Variants in RELN observed in about 807,000 individuals in gnomAD.
RELN encodes the protein reelin.
RELN carries 108 observed loss-of-function variants against 427.6 expected under a neutral mutation model. The ratio of observed to expected loss-of-function variants is 0.25; its 90% CI spans 0.22 to 0.30. The LOEUF (loss-of-function observed/expected upper bound fraction) is 0.30. Ranked by LOEUF, RELN falls within the 10% of genes least tolerant of loss-of-function variation. The pLI, the probability that RELN is intolerant of heterozygous loss-of-function variation, is 1.00. For missense variants in RELN, 3,715 were observed against 4,302.8 expected (o/e 0.86, Z 3.82); for synonymous variants, 1,524 against 1,513.4 (o/e 1.01, Z -0.16).
chr7:103,622,046 G>A (rs1284387759), intron 20 of RELN, among the ~76,000 whole-genome samples: 2 of 152,066 alleles, frequency 1.3e-5, no homozygotes, highest in African/African-American at 4.8e-5. Context: ...AATTGTCTCA[G>A]ACTGCTAAAT....
chr7:103,919,269 A>T (rs183901273), intron 1 of RELN, among the ~76,000 whole-genome samples: 1 of 151,680 alleles, frequency 6.6e-6, no homozygotes, highest in East Asian at 1.9e-4. Context: ...GTGTGTAAAA[A>T]CCACTGGACA....
chr7:103,799,921 C>T lies in RELN; in HGVS notation c.474-23294G>A, dbSNP rs191910296. Reference sequence around the variant, plus strand: ...AGGTTTAAAGAATCAACAAAAACCACGTGATTATCTCAATAGATGCAGAAA... The same window carrying T: ...AGGTTTAAAGAATCAACAAAAACCATGTGATTATCTCAATAGATGCAGAAA... On this transcript the variant is annotated intron_variant, in intron 3 of 64. Coordinates refer to ENST00000428762, the MANE Select transcript of RELN (RefSeq NM_005045.4). Among the ~76,000 whole-genome samples the T allele has an allele frequency of 1.9e-3, 296 of 151,842 alleles. 4 individuals are homozygous for T. The highest frequency in any genetic ancestry group is 1.2e-3 in the Non-Finnish European group (83 of 68,034).
At chr7:103,934,200 A>G (rs1795928786) in intron 1 of RELN, among the ~76,000 whole-genome samples, 1 of 152,150 alleles carries the variant, frequency 6.6e-6, no homozygotes, top group South Asian at 2.1e-4. Context: ...AAAATTTGAT[A>G]TTCACTCTGT....
intron 1 of RELN, among the ~76,000 whole-genome samples, chr7:103,955,944 G>A (rs2116775829): frequency 6.6e-6 from 1 of 152,186 alleles, no homozygotes; most frequent in East Asian, 1.9e-4. Flanking sequence ...TAGCCTTGTG[G>A]GCCACTGCAG....
intron 27 of RELN, 134 bp from the exon 28 acceptor site, chr7:103,589,962 A>G (rs950019667): frequency 1.0e-5 from 7 of 699,636 alleles, no homozygotes; most frequent in Non-Finnish European, 1.8e-5. Context: ...TTGTGAGCTC[A>G]GTCCCAACCA....
In RELN at chr7:103,496,547, A is replaced by T. The variant is rs2286261; in HGVS notation, c.9172T>A (p.Leu3058Met). The change falls in exon 56 of 65, where the codon TTG becomes ATG. Residue 3058 changes from leucine (L) to methionine (M), a missense_variant. By Grantham distance (15) the Leu-to-Met change is conservative (BLOSUM62 2). Coordinates refer to ENST00000428762, the MANE Select transcript of RELN (RefSeq NM_005045.4). ...TTACCATCATCAAAAGTGTCCACCA[A>T]TTGGCTGGGATTGATTTCTGCTCCA... is the stretch of plus-strand genomic sequence containing the variant. ...IGGAEINPSQ[L>M]VDTFDDEGTS... 1.2e-5 allele frequency: 20 copies of T among 1,614,012 alleles called. No homozygotes were observed. The highest frequency in any genetic ancestry group is 1.6e-5 in the Non-Finnish European group (19 of 1,180,020).
At chr7:103,552,241 G>A (rs1399635187) in intron 40 of RELN, among the ~76,000 whole-genome samples, 3 of 151,944 alleles carry the variant, frequency 2.0e-5, no homozygotes, top group Non-Finnish European at 4.4e-5. Context: ...ATAAATGCAC[G>A]CAATTCTTTC....
At chr7:103,792,417 A>C (rs2116276016) in intron 3 of RELN, among the ~76,000 whole-genome samples, 1 of 152,296 alleles carries the variant, frequency 6.6e-6, no homozygotes, top group African/African-American at 2.4e-5. Context: ...CGTTCATGCT[A>C]CAATATCAAT....
chr7:103,654,034 T>G, intron 13 of RELN, 59 bp downstream of exon 13: 1 of 958,876 alleles, frequency 1.0e-6, no homozygotes, highest in Admixed American at 1.7e-5. Context: ...TGGTTTTGAC[T>G]TGGGCTTGTC....
intron 3 of RELN, among the ~76,000 whole-genome samples, chr7:103,821,150 T>A (rs17156394): frequency 0.12 from 18,221 of 152,190 alleles, 1,277 homozygotes; most frequent in East Asian, 0.32. Context: ...TATAGACTCT[T>A]CTATCACATT....
intron 2 of RELN, among the ~76,000 whole-genome samples, chr7:103,856,738 C>G (rs985225493): frequency 3.3e-5 from 5 of 152,052 alleles, no homozygotes; most frequent in African/African-American, 9.7e-5. Flanking sequence ...CTGCAGGACA[C>G]TTATTCCTCC....
chr7:103,752,516 C>T lies in RELN; in HGVS notation c.577+666G>A, dbSNP rs116725365. ...CCTTGAAATCCTGGTTTACATGATC[C>T]TCCCATCTCAGCCCCCAAAGTAACT... On this transcript the variant is annotated intron_variant, in intron 5 of 64. Transcript: ENST00000428762. Among the ~76,000 whole-genome samples, 898 of 151,966 alleles carry T rather than the reference C, an allele frequency of 5.9e-3. 6 individuals are homozygous for T. The highest frequency in any genetic ancestry group is 0.02 in the African/African-American group (845 of 41,392).
chr7:103,515,098 G>A (rs188334529), intron 50 of RELN, 87 bp downstream of exon 50: 746 of 1,530,368 alleles, frequency 4.9e-4, no homozygotes, highest in Non-Finnish European at 6.0e-4. Context: ...ATCTGAAAAG[G>A]TTCCATATTT....
At position 103,491,852 on chromosome 7, in the gene RELN, T is replaced by A. The variant is rs112225063; in HGVS notation, c.9443+101A>T. The A allele has an allele frequency of 0.049, 20,906 of 428,048 alleles. 420 individuals carry two copies. Among genetic ancestry groups the A allele is most frequent in the South Asian group, 0.14 (5,576 of 40,342 alleles). The allele number at this position is 428,048 out of a possible 1,614,324, so 26.5% of individuals were successfully genotyped here. On this transcript the variant is annotated intron_variant, in intron 58 of 64. Coordinates refer to ENST00000428762, the MANE Select transcript of RELN (RefSeq NM_005045.4). ...CTCTCTCTCTCTCTCTCTCTCTCTC[T>A]CTCTCACACACACACACACACACAC...
rs865956305 is a variant in RELN, at chr7:103,498,308, A to G, written c.8668-56T>C. 30 of 1,489,818 alleles carry G rather than the reference A, an allele frequency of 2.0e-5. 1 individual carries two copies. In the Middle Eastern group the frequency reaches 1.7e-3, roughly 86 times the overall value. The allele number at this position is 1,489,818 out of a possible 1,614,324, so 92.3% of individuals were successfully genotyped here. Reference sequence around the variant, plus strand: ...AAAAACAATTTCAGATAACTATGGAATATTTAAGAAAATACAGAGTGATGT... The same window carrying G: ...AAAAACAATTTCAGATAACTATGGAGTATTTAAGAAAATACAGAGTGATGT... On this transcript the variant is annotated intron_variant, in intron 53 of 64. Transcript: ENST00000428762.
At chr7:103,877,252 A>G (rs1382940470) in intron 2 of RELN, among the ~76,000 whole-genome samples, 1 of 152,102 alleles carries the variant, frequency 6.6e-6, no homozygotes. Flanking sequence ...CCAAGTTTAT[A>G]TCTCAGGCCA....
chr7:103,689,032 G>A (rs999886423), intron 10 of RELN, among the ~76,000 whole-genome samples: 4 of 152,048 alleles, frequency 2.6e-5, no homozygotes, highest in African/African-American at 7.2e-5. Flanking sequence ...CAGTAACTTA[G>A]TTACTCTAAA....
In RELN at chr7:103,872,498, A is replaced by G. The variant is rs1794371892; in HGVS notation, c.338-38826T>C. Among the ~76,000 whole-genome samples, 2 of 132,982 alleles carry G rather than the reference A, an allele frequency of 1.5e-5. 1 individual carries two copies. The highest frequency in any genetic ancestry group is 6.7e-4 in the East Asian group (2 of 3,000). 87.2% of individuals were successfully genotyped at this position (132,982 alleles called of 152,430 possible). A position where few individuals can be genotyped will look rare whatever the true frequency, so the allele number is the denominator to read the frequency against. On this transcript the variant is annotated intron_variant, in intron 2 of 64. Transcript: ENST00000428762. Reference sequence around the variant, plus strand: ...TTTGGGTTGGTTCCAAGTCTTTGCTATTGTGAATAATGCCACAATAAACAT... The same window carrying G: ...TTTGGGTTGGTTCCAAGTCTTTGCTGTTGTGAATAATGCCACAATAAACAT...
intron 4 of RELN, among the ~76,000 whole-genome samples, chr7:103,764,459 A>C (rs906752314): frequency 6.6e-6 from 1 of 151,956 alleles, no homozygotes; most frequent in Non-Finnish European, 1.5e-5. Flanking sequence ...TACCTTCTTG[A>C]CTCTTTGTAT....
Sources: allele counts gnomAD v4.1 joint callset (sites outside exome capture counted in the v4.1 genomes callset), GRCh38; gene constraint gnomAD v4.1.1; transcripts MANE v1.5; gene names NCBI Gene and HGNC (gene_info 2026-07-23, HGNC 2026-07-21).